TRHDE: variants seen among roughly 807,000 people sequenced by gnomAD.
The protein encoded by TRHDE is thyrotropin releasing hormone degrading enzyme, also known as thyrotropin-releasing hormone-degrading ectoenzyme.
Under a neutral mutation model 125.7 loss-of-function variants are expected in TRHDE, and 72 were observed. The observed-to-expected ratio is 0.57, with a 90% CI of 0.47 to 0.70. The LOEUF (loss-of-function observed/expected upper bound fraction) is 0.70, where lower values mean the gene tolerates loss of function less well. TRHDE is among the 30% of genes least tolerant of loss of function. TRHDE has a pLI of 0.00. For missense variants in TRHDE, 1,110 were observed against 1,327.1 expected (o/e 0.84, Z 2.54); for synonymous variants, 509 against 509.1 (o/e 1.00, Z 0.00).
At chr12:72,360,254 A>C (rs909636204) in intron 2 of TRHDE, among the ~76,000 whole-genome samples, 1 of 151,818 alleles carries the variant, frequency 6.6e-6, no homozygotes, top group Non-Finnish European at 1.5e-5. Context: ...ACTACATCCA[A>C]AGTAAAAAAT....
chr12:72,393,608 C>T (rs1248088829), intron 3 of TRHDE, among the ~76,000 whole-genome samples: 1 of 152,086 alleles, frequency 6.6e-6, no homozygotes, highest in East Asian at 1.9e-4. Flanking sequence ...TATCTGTTGT[C>T]AAACATATCA....
chr12:72,617,708 G>A (rs972242928), intron 12 of TRHDE, among the ~76,000 whole-genome samples: 2 of 152,134 alleles, frequency 1.3e-5, no homozygotes, highest in African/African-American at 4.8e-5. Context: ...TTTCGTTCAT[G>A]TTTCTGGAGG....
intron 2 of TRHDE, among the ~76,000 whole-genome samples, chr12:72,139,502 C>T (rs1028112999): frequency 6.6e-6 from 1 of 152,066 alleles, no homozygotes. Context: ...ATTATTGAAT[C>T]CTCCTCGGTG....
intron 2 of TRHDE, among the ~76,000 whole-genome samples, chr12:72,345,822 C>A (rs972420820): frequency 9.9e-5 from 15 of 151,900 alleles, no homozygotes; most frequent in South Asian, 6.2e-4. Flanking sequence ...CAGGTGGGGA[C>A]CCTGTTTCCT....
intron 2 of TRHDE, among the ~76,000 whole-genome samples, chr12:72,201,627 G>A (rs1391114832): frequency 6.6e-6 from 1 of 151,904 alleles, no homozygotes; most frequent in Non-Finnish European, 1.5e-5. Flanking sequence ...GGAGGGCAGT[G>A]AAGTATGCTG....
intron 2 of TRHDE, among the ~76,000 whole-genome samples, chr12:72,347,746 AAC>A (rs1870392903): frequency 6.6e-6 from 1 of 152,090 alleles, no homozygotes; most frequent in African/African-American, 2.4e-5. Flanking sequence ...TCAAACTCAC[AAC>A]ACAACAGCTG....
At chr12:72,572,605 T>C (rs1306545890) in intron 10 of TRHDE, among the ~76,000 whole-genome samples, 2 of 152,088 alleles carry the variant, frequency 1.3e-5, no homozygotes, top group Non-Finnish European at 2.9e-5. Flanking sequence ...TCTCCAGCGA[T>C]CTCGTTTGTA....
rs144651095 is a variant in TRHDE at position 72,587,307 on chromosome 12, T to A, written c.2321+11765T>A. On this transcript the variant is annotated intron_variant, in intron 12 of 18. Coordinates refer to ENST00000261180, the MANE Select transcript of TRHDE (RefSeq NM_013381.3). ...GTTGAATTTTAACATTGGTAGATTA[T>A]CAGTTTTTTTAAGTATGGAGAGTTG... Among the ~76,000 whole-genome samples the A allele has an allele frequency of 1.7e-4, 26 of 152,266 alleles. No homozygotes were observed. In the East Asian group the frequency reaches 4.8e-3, roughly 28 times the overall value.
At chr12:72,316,066 T>TA (rs2135704903) in intron 2 of TRHDE, among the ~76,000 whole-genome samples, 1 of 152,240 alleles carries the variant, frequency 6.6e-6, no homozygotes, top group East Asian at 1.9e-4. Flanking sequence ...GCCGCCAGCA[T>TA]AATAGCTGGG....
intron 3 of TRHDE, among the ~76,000 whole-genome samples, chr12:72,387,102 G>A (rs1268570897): frequency 6.6e-6 from 1 of 152,062 alleles, no homozygotes; most frequent in Non-Finnish European, 1.5e-5. Context: ...TCTCCAGCCT[G>A]GTTCTTTCTC....
rs144759902 is a variant in TRHDE, at chr12:72,575,274, T to C, written c.2151T>C (p.Tyr717=). Residue 717 remains tyrosine (Y), a synonymous_variant, in exon 11 of 19, where the codon TAT becomes TAC. Transcript: ENST00000261180. The part of the protein sequence containing the change: ...SNKSEHHRIT[Y]LDKGSWLLGN... ...TTTCAGAGCACCACAGAATAACTTATTTGGACAAAGGAAGCTGGCTGCTGG... is the reference window on the plus strand; with the variant it reads ...TTTCAGAGCACCACAGAATAACTTACTTGGACAAAGGAAGCTGGCTGCTGG... 2.8e-5 allele frequency: 45 copies of C among 1,613,258 alleles called. No individual in the cohort carries two copies. The highest frequency in any genetic ancestry group is 1.8e-4 in the East Asian group (8 of 44,864).
At chr12:72,619,391 AG>A (rs1162189147) in intron 13 of TRHDE, among the ~76,000 whole-genome samples, 4 of 152,214 alleles carry the variant, frequency 2.6e-5, no homozygotes, top group African/African-American at 9.6e-5. Flanking sequence ...AACAGAATAT[AG>A]GCATTTTCAG....
chr12:72,365,647 A>G (rs17111099), intron 2 of TRHDE, among the ~76,000 whole-genome samples: 2,603 of 152,226 alleles, frequency 0.017, 41 homozygotes, highest in South Asian at 0.045. Context: ...CCTACAACAA[A>G]GAGAGAAACA....
intron 3 of TRHDE, among the ~76,000 whole-genome samples, chr12:72,437,458 A>G (rs1874797763): frequency 6.6e-6 from 1 of 151,864 alleles, no homozygotes; most frequent in South Asian, 2.1e-4. Context: ...GGAATGAAGT[A>G]ATTTTTGTCA....
chr12:72,522,242 GT>G (rs1433659908), intron 6 of TRHDE, among the ~76,000 whole-genome samples: 2 of 152,072 alleles, frequency 1.3e-5, no homozygotes, highest in Non-Finnish European at 2.9e-5. Flanking sequence ...TTCTTTTTAT[GT>G]TTATAGAGCA....
intron 2 of TRHDE, among the ~76,000 whole-genome samples, chr12:72,123,850 C>T (rs1229711816): frequency 2.0e-5 from 3 of 152,038 alleles, no homozygotes; most frequent in South Asian, 2.1e-4. Flanking sequence ...CCCAGGCAGC[C>T]ACTGATCTAT....
intron 2 of TRHDE, among the ~76,000 whole-genome samples, chr12:72,362,329 T>C (rs1871134437): frequency 6.6e-6 from 1 of 150,434 alleles, no homozygotes; most frequent in Admixed American, 6.6e-5. Context: ...GTGAGCATTT[T>C]TTCATGTGTT....
At chr12:72,246,183 A>C (rs551663142) in intron 2 of TRHDE, among the ~76,000 whole-genome samples, 1 of 151,940 alleles carries the variant, frequency 6.6e-6, no homozygotes, top group Non-Finnish European at 1.5e-5. Context: ...CTCAAAAAAA[A>C]CTGTGCCATA....
chr12:72,485,982 A>C (rs573548), intron 5 of TRHDE, among the ~76,000 whole-genome samples: 1 of 151,426 alleles, frequency 6.6e-6, no homozygotes, highest in African/African-American at 2.4e-5. Flanking sequence ...CTTAGTTCCA[A>C]CCTCTCAGGG....
Sources: gnomAD v4.1 joint callset for allele counts (sites outside exome capture counted in the v4.1 genomes callset) on GRCh38, gnomAD v4.1.1 for gene constraint, MANE v1.5 for transcripts, NCBI Gene and HGNC (gene_info 2026-07-23, HGNC 2026-07-21) for gene names.